Variants in TTC28 observed in about 807,000 individuals in gnomAD.
The protein encoded by TTC28 is tetratricopeptide repeat protein 28.
In TTC28, 61 loss-of-function variants were observed where a neutral mutation model predicts 198.0. The ratio of observed to expected loss-of-function variants is 0.31; its 90% CI spans 0.25 to 0.38. The LOEUF (loss-of-function observed/expected upper bound fraction) is 0.38, where lower values mean the gene tolerates loss of function less well. Ranked by LOEUF, TTC28 falls within the 10% of genes least tolerant of loss-of-function variation. The pLI, the probability that TTC28 is intolerant of heterozygous loss-of-function variation, is 1.00. For synonymous variants in TTC28, 1,171 were observed against 1,297.8 expected, an observed-to-expected ratio of 0.90 and a Z score of 2.10; for missense variants, 2,678 against 3,164.0, an observed-to-expected ratio of 0.85 and a Z score of 3.69.
At chr22:28,621,064 G>A (rs1374403321) in intron 2 of TTC28, among the ~76,000 whole-genome samples, 1 of 152,182 alleles carries the variant, frequency 6.6e-6, no homozygotes, top group Non-Finnish European at 1.5e-5. Flanking sequence ...AGAATGCTCA[G>A]TTCTACAAGG....
At chr22:28,210,409 G>A (rs1926827774) in intron 5 of TTC28, among the ~76,000 whole-genome samples, 1 of 152,126 alleles carries the variant, frequency 6.6e-6, no homozygotes, top group African/African-American at 2.4e-5. Context: ...TGGACGAGTG[G>A]CTAACTAGAA....
intron 6 of TTC28, among the ~76,000 whole-genome samples, chr22:28,123,298 C>T (rs1204489888): frequency 1.3e-5 from 2 of 152,060 alleles, no homozygotes; most frequent in African/African-American, 2.4e-5. Flanking sequence ...CTCTCGTGCC[C>T]AGGCTGGAGT....
At chr22:28,441,209 C>T (rs1250825636) in intron 2 of TTC28, among the ~76,000 whole-genome samples, 3 of 152,202 alleles carry the variant, frequency 2.0e-5, no homozygotes, top group Non-Finnish European at 2.9e-5. Flanking sequence ...GACATAACCA[C>T]ATGAGTTACT....
intron 2 of TTC28, among the ~76,000 whole-genome samples, chr22:28,575,239 T>C (rs1236755660): frequency 6.6e-6 from 1 of 152,214 alleles, no homozygotes; most frequent in Non-Finnish European, 1.5e-5. Context: ...TCCTTCTCCA[T>C]ATGGATATCC....
At chr22:28,560,232 C>A (rs984376219) in intron 2 of TTC28, among the ~76,000 whole-genome samples, 1 of 152,164 alleles carries the variant, frequency 6.6e-6, no homozygotes, top group Non-Finnish European at 1.5e-5. Context: ...GTTTTTACCA[C>A]CTCAACAGTT....
chr22:28,194,467 C>T (rs548507329), intron 5 of TTC28, among the ~76,000 whole-genome samples: 1 of 152,156 alleles, frequency 6.6e-6, no homozygotes, highest in Admixed American at 6.5e-5. Flanking sequence ...ACATAAAAAA[C>T]CCTTCAAAAA....
At chr22:28,339,558 C>T (rs2045793473) in intron 2 of TTC28, among the ~76,000 whole-genome samples, 1 of 152,178 alleles carries the variant, frequency 6.6e-6, no homozygotes, top group Non-Finnish European at 1.5e-5. Context: ...GCTTCCCGGC[C>T]GCTTTGTTTA....
At chr22:28,505,431 C>T (rs576450632) in intron 2 of TTC28, among the ~76,000 whole-genome samples, 1 of 152,242 alleles carries the variant, frequency 6.6e-6, no homozygotes, top group East Asian at 1.9e-4. Flanking sequence ...GCAACAACAA[C>T]TTGATCCAAG....
intron 13 of TTC28, among the ~76,000 whole-genome samples, chr22:28,016,209 T>C (rs919816600): frequency 6.6e-6 from 1 of 152,062 alleles, no homozygotes; most frequent in Non-Finnish European, 1.5e-5. Context: ...TAATTACAAG[T>C]GACGAGGGCT....
chr22:28,018,342 C>T (rs1287603513), intron 13 of TTC28, among the ~76,000 whole-genome samples: 1 of 149,308 alleles, frequency 6.7e-6, no homozygotes, highest in East Asian at 2.0e-4. Context: ...CTAGAGAGAT[C>T]CTTTTCAAAA....
At chr22:28,420,993 C>T (rs983888129) in intron 2 of TTC28, among the ~76,000 whole-genome samples, 6 of 152,080 alleles carry the variant, frequency 3.9e-5, no homozygotes, top group Non-Finnish European at 8.8e-5. Context: ...TTAACTAGTA[C>T]ATATTCATCC....
At chr22:28,130,246 G>C (rs1438722526) in intron 6 of TTC28, among the ~76,000 whole-genome samples, 1 of 151,954 alleles carries the variant, frequency 6.6e-6, no homozygotes, top group Non-Finnish European at 1.5e-5. Context: ...TAAATCACAA[G>C]TGTGGAAAAC....
intron 1 of TTC28, among the ~76,000 whole-genome samples, chr22:28,670,510 ACTT>A (rs1399424495): frequency 5.9e-5 from 9 of 152,048 alleles, no homozygotes; most frequent in Non-Finnish European, 4.4e-5. Context: ...ATGCCTCAGT[ACTT>A]CTTCCTTTTA....
intron 1 of TTC28, among the ~76,000 whole-genome samples, chr22:28,661,779 G>C (rs2051753514): frequency 6.6e-6 from 1 of 152,120 alleles, no homozygotes; most frequent in Non-Finnish European, 1.5e-5. Flanking sequence ...GCTAATTTTT[G>C]TATTTTTAGT....
intron 2 of TTC28, among the ~76,000 whole-genome samples, chr22:28,554,727 C>T (rs1445073062): frequency 2.6e-5 from 4 of 151,930 alleles, no homozygotes; most frequent in Admixed American, 6.6e-5. Flanking sequence ...AAAAATTAAC[C>T]GGGTGTGGTG....
chr22:28,225,713 G>C (rs1199270672), intron 5 of TTC28, among the ~76,000 whole-genome samples: 1 of 152,188 alleles, frequency 6.6e-6, no homozygotes, highest in Non-Finnish European at 1.5e-5. Context: ...CACCACGGCA[G>C]GCAACATAGT....
intron 6 of TTC28, among the ~76,000 whole-genome samples, chr22:28,148,732 G>A (rs528459078): frequency 1.3e-5 from 2 of 151,958 alleles, no homozygotes; most frequent in Admixed American, 6.5e-5. Flanking sequence ...TTACACCAAT[G>A]AGAATGTCAA....
chr22:28,621,181 T>C (rs1369975555), intron 2 of TTC28, among the ~76,000 whole-genome samples: 1 of 152,146 alleles, frequency 6.6e-6, no homozygotes, highest in African/African-American at 2.4e-5. Flanking sequence ...TTAATTCCAA[T>C]TTTCCACAAA....
intron 12 of TTC28, among the ~76,000 whole-genome samples, chr22:28,058,947 T>C (rs1489227756): frequency 1.3e-5 from 2 of 152,060 alleles, no homozygotes; most frequent in African/African-American, 2.4e-5. Flanking sequence ...AGCAATAAGG[T>C]TTCTTTCAGC....
Sources: gnomAD v4.1 joint callset for allele counts (sites outside exome capture counted in the v4.1 genomes callset) on GRCh38, gnomAD v4.1.1 for gene constraint, MANE v1.5 for transcripts, NCBI Gene and HGNC (gene_info 2026-07-23, HGNC 2026-07-21) for gene names.